PLEKHG4B: variants seen among roughly 807,000 people sequenced by gnomAD.
PLEKHG4B encodes the protein pleckstrin homology domain-containing family G member 4B.
Under a neutral mutation model 121.3 loss-of-function variants are expected in PLEKHG4B, and 111 were observed. The ratio of observed to expected loss-of-function variants is 0.92; its 90% confidence interval spans 0.78 to 1.07. The LOEUF (loss-of-function observed/expected upper bound fraction) is 1.07. Among genes scored for constraint, PLEKHG4B ranks in the 50% least tolerant of loss-of-function variants. The pLI is 0.00. For missense variants in PLEKHG4B, 1,831 were observed against 1,757.8 expected (o/e 1.04, Z -0.74); for synonymous variants, 738 against 725.0 (o/e 1.02, Z -0.29).
intron 1 of PLEKHG4B, among the ~76,000 whole-genome samples, chr5:92,738 G>A (rs1733508889): frequency 6.6e-6 from 1 of 151,952 alleles, no homozygotes; most frequent in African/African-American, 2.4e-5. Context: ...CCAGGGGAGG[G>A]GAGTCTGAAA....
chr5:95,515 C>T (rs1303549599), intron 1 of PLEKHG4B, among the ~76,000 whole-genome samples: 3 of 152,194 alleles, frequency 2.0e-5, no homozygotes, highest in Non-Finnish European at 2.9e-5. Context: ...GGCAGCACTG[C>T]CAGTTGCTTC....
chr5:177,445 G>GT (rs1236489802), intron 18 of PLEKHG4B, among the ~76,000 whole-genome samples: 1 of 152,198 alleles, frequency 6.6e-6, no homozygotes, highest in Non-Finnish European at 1.5e-5. Context: ...TGTGATACCA[G>GT]TTTTGAGTTT....
At chr5:132,187 A>AG (rs1022848124) in intron 2 of PLEKHG4B, among the ~76,000 whole-genome samples, 4 of 152,190 alleles carry the variant, frequency 2.6e-5, no homozygotes, top group Admixed American at 2.6e-4. Context: ...GGAAAAAAAA[A>AG]AGTGAAAGGC....
At chr5:97,008 C>T (rs539004915) in intron 1 of PLEKHG4B, among the ~76,000 whole-genome samples, 1 of 152,248 alleles carries the variant, frequency 6.6e-6, no homozygotes, top group Non-Finnish European at 1.5e-5. Context: ...TGTTAGGCAA[C>T]CACCACCTCT....
At chr5:117,302 T>A (rs542688321) in intron 2 of PLEKHG4B, among the ~76,000 whole-genome samples, 19 of 152,334 alleles carry the variant, frequency 1.2e-4, no homozygotes, top group African/African-American at 3.6e-4. Context: ...AAACAGTTGA[T>A]ATAAGTTCAA....
chr5:120,512 G>A (rs1159994096), intron 2 of PLEKHG4B, among the ~76,000 whole-genome samples: 1 of 152,148 alleles, frequency 6.6e-6, no homozygotes, highest in African/African-American at 2.4e-5. Flanking sequence ...AGGTCCTGGT[G>A]GCCAGTGAAG....
At chr5:174,594 GC>G (rs1420542162) in intron 18 of PLEKHG4B, among the ~76,000 whole-genome samples, 1 of 152,182 alleles carries the variant, frequency 6.6e-6, no homozygotes, top group Non-Finnish European at 1.5e-5. Context: ...TGGGGTCATT[GC>G]CCCGAAGTGG....
At chr5:128,393 T>C (rs1734682426) in intron 2 of PLEKHG4B, among the ~76,000 whole-genome samples, 1 of 152,188 alleles carries the variant, frequency 6.6e-6, no homozygotes, top group East Asian at 1.9e-4. Context: ...ATTTATGGTT[T>C]GTAGGGCATG....
intron 2 of PLEKHG4B, among the ~76,000 whole-genome samples, chr5:131,380 G>GAT (rs1310786748): frequency 6.6e-6 from 1 of 152,092 alleles, no homozygotes; most frequent in Non-Finnish European, 1.5e-5. Context: ...CTGTCTTTGT[G>GAT]ATAGTTTGCT....
In PLEKHG4B at chr5:157,427, T is replaced by C. The variant is rs1735825629; in HGVS notation, c.2487+516T>C. ...AGGGGGTGATGACGGAAGTGGCTTT[T>C]CATGAATTCTCTGGGTCACAGAAAT... is the stretch of plus-strand genomic sequence containing the variant. On this transcript the variant is annotated intron_variant, in intron 11 of 19. Transcript: ENST00000637938. The surrounding 1 kb of genome is among the most constrained non-coding windows in gnomAD (Gnocchi z 4.6). 6.6e-6 allele frequency among the ~76,000 whole-genome samples: 1 copy of C among 152,124 alleles called. No individual in the cohort carries two copies. The highest frequency in any genetic ancestry group is 1.5e-5 in the Non-Finnish European group (1 of 68,022).
intron 17 of PLEKHG4B, 36 bp from the exon 18 acceptor site, chr5:173,882 C>T (rs769274165): frequency 6.2e-7 from 1 of 1,601,070 alleles, no homozygotes; most frequent in Non-Finnish European, 8.5e-7. Context: ...AGACCATGTT[C>T]CTGATGGTGC....
rs755678671 is a variant in PLEKHG4B, at chr5:163,354, C to A, written c.3282C>A (p.Gly1094=). ...TCGAGATACCTCAGCCCGACAGTGG[C>A]CCCAGGGACTCCTGCCAGCCAGACC... ...QSFEIPQPDS[G]PRDSCQPDHT... is the part of the protein sequence containing the mutation. The change falls in exon 13 of 20, where the codon GGC becomes GGA. Residue 1094 remains glycine, a synonymous_variant. Transcript: ENST00000637938. 5.0e-6 allele frequency: 8 copies of A among 1,613,206 alleles called. No homozygotes were observed. The South Asian group carries it at 8.8e-5, about 18-fold the overall frequency.
At chr5:171,838 C>A (rs367697340) in intron 16 of PLEKHG4B, among the ~76,000 whole-genome samples, 3 of 152,236 alleles carry the variant, frequency 2.0e-5, no homozygotes, top group East Asian at 3.8e-4. Flanking sequence ...AGGGCCAGGG[C>A]GTGGGGCTGA....
In PLEKHG4B at chr5:172,951, T is replaced by G. The variant is rs536439419; in HGVS notation, c.4105T>G (p.Cys1369Gly). The G allele has an allele frequency of 3.7e-6, 6 of 1,614,198 alleles. No homozygotes were observed. In the South Asian group the frequency reaches 6.6e-5, roughly 18 times the overall value. Residue 1369 changes from cysteine (C) to glycine (G), a missense_variant, in exon 17 of 20, where the codon TGC becomes GGC. Coordinates refer to ENST00000637938, the MANE Select transcript of PLEKHG4B (RefSeq NM_052909.5). Reference protein sequence around the residue: ...LRCRDEFIVCCGRKKYLRHVF... With the variant: ...LRCRDEFIVCGGRKKYLRHVF... The stretch of plus-strand genomic sequence containing the variant: ...ATGCCGGGATGAGTTTATCGTTTGC[T>G]GCGGGAGGAAGAAGTATCTGAGGCA...
At chr5:96,071 T>C (rs566380276) in intron 1 of PLEKHG4B, among the ~76,000 whole-genome samples, 19 of 152,226 alleles carry the variant, frequency 1.2e-4, no homozygotes, top group Non-Finnish European at 2.2e-4. Context: ...ACTTTTGGTA[T>C]AATAGACTGA....
chr5:96,680 T>A (rs965774742), intron 1 of PLEKHG4B, among the ~76,000 whole-genome samples: 2 of 152,182 alleles, frequency 1.3e-5, no homozygotes, highest in African/African-American at 4.8e-5. Flanking sequence ...GTCTGGAGGC[T>A]GGAGCATTCC....
intron 6 of PLEKHG4B, among the ~76,000 whole-genome samples, chr5:148,506 C>A (rs1264010541): frequency 1.3e-5 from 2 of 152,046 alleles, no homozygotes; most frequent in Admixed American, 6.5e-5. Context: ...GAATAAAGTA[C>A]TTAGGAATTA....
rs531168420 is a variant in PLEKHG4B, at chr5:137,243, CAG to C, written c.244-2239_244-2238del. ...AGACAGGAAGTGGAATGGTGGGTGC[CAG>C]GGGCTCAGGGGCAGGGGAATGGTGA... On this transcript the variant is annotated intron_variant, in intron 2 of 19. Transcript: ENST00000637938. The surrounding 1 kb of genome is among the most constrained non-coding windows in gnomAD (Gnocchi z 4.2). 5.3e-5 allele frequency among the ~76,000 whole-genome samples: 8 copies of C among 152,224 alleles called. No individual in the cohort carries two copies. In the East Asian group the frequency reaches 1.5e-3, roughly 29 times the overall value.
rs1266530222 is a variant in PLEKHG4B at position 157,743 on chromosome 5, C to T, written c.2487+832C>T. Reference sequence around the variant, plus strand: ...TTCTTTCTTTTCTCACATATAAACTCTTCAAAACTTGCACATTTTTATATA... The same window carrying T: ...TTCTTTCTTTTCTCACATATAAACTTTTCAAAACTTGCACATTTTTATATA... On this transcript the variant is annotated intron_variant, in intron 11 of 19. Transcript: ENST00000637938. This position sits in a 1 kb window ranked among gnomAD's most constrained non-coding sequence, Gnocchi z 4.6. Among the ~76,000 whole-genome samples, 1 of 152,214 alleles carries T rather than the reference C, an allele frequency of 6.6e-6. No homozygotes were observed. The highest frequency in any genetic ancestry group is 1.5e-5 in the Non-Finnish European group (1 of 68,044).
Sources: allele counts gnomAD v4.1 joint callset (sites outside exome capture counted in the v4.1 genomes callset), GRCh38; gene constraint gnomAD v4.1.1; non-coding constraint Gnocchi (gnomAD v3.1); transcripts MANE v1.5; gene names NCBI Gene and HGNC (gene_info 2026-07-23, HGNC 2026-07-21).